NLGN1: variants seen among roughly 807,000 people sequenced by gnomAD.
The protein encoded by NLGN1 is neuroligin 1.
Under a neutral mutation model 65.5 loss-of-function variants are expected in NLGN1, and 12 were observed. The ratio of observed to expected loss-of-function variants is 0.18; its 90% CI spans 0.12 to 0.30. The LOEUF (loss-of-function observed/expected upper bound fraction) is 0.30. NLGN1 is among the 10% of genes least tolerant of loss of function. The pLI, the probability that NLGN1 is intolerant of heterozygous loss-of-function variation, is 1.00. For missense variants in NLGN1, 750 were observed against 1,007.1 expected (o/e 0.74, Z 3.46); for synonymous variants, 350 against 359.5 (o/e 0.97, Z 0.30).
Position 174,286,292 on chromosome 3 carries a change from A to G in NLGN1, c.*4989A>G, listed in dbSNP as rs893259151. 4 of 151,490 alleles carry G rather than the reference A, an allele frequency of 2.6e-5. No homozygotes were observed. The East Asian group carries it at 7.8e-4, about 29-fold the overall frequency. The allele number at this position is 151,490 out of a possible 1,614,324, so 9.4% of individuals were successfully genotyped here. On this transcript the variant is annotated 3_prime_UTR_variant, in exon 7 of 7. Transcript: ENST00000457714. ...GAATTTAGTCCTTTATGGAAAGTCA[A>G]ACCAAATTGCTAGCAGTTTTGAGTT... is the stretch of plus-strand genomic sequence containing the variant.
intron 4 of NLGN1, among the ~76,000 whole-genome samples, chr3:173,875,935 A>C (rs189120481): frequency 6.6e-6 from 1 of 152,306 alleles, no homozygotes; most frequent in East Asian, 1.9e-4. Context: ...CAAAGAGTTT[A>C]GTGCTGGTCA....
At chr3:173,917,215 G>C (rs1740915297) in intron 4 of NLGN1, among the ~76,000 whole-genome samples, 1 of 152,112 alleles carries the variant, frequency 6.6e-6, no homozygotes, top group Non-Finnish European at 1.5e-5. Flanking sequence ...GGATTTCATG[G>C]ATTTTATAAT....
At chr3:174,075,662 A>G (rs1461274466) in intron 4 of NLGN1, among the ~76,000 whole-genome samples, 3 of 152,146 alleles carry the variant, frequency 2.0e-5, no homozygotes, top group Non-Finnish European at 4.4e-5. Flanking sequence ...GCATTTCTAT[A>G]TTAAAAAATG....
intron 4 of NLGN1, among the ~76,000 whole-genome samples, chr3:174,038,663 G>A (rs1034182523): frequency 6.6e-6 from 1 of 152,104 alleles, no homozygotes; most frequent in East Asian, 1.9e-4. Flanking sequence ...TCCATACCTG[G>A]TTAACTTAAG....
chr3:173,667,964 A>G (rs1761946895), intron 3 of NLGN1, among the ~76,000 whole-genome samples: 1 of 152,170 alleles, frequency 6.6e-6, no homozygotes, highest in East Asian at 1.9e-4. Context: ...CTGGAAACAT[A>G]TATAACTTCT....
rs34436890 is a variant in NLGN1, at chr3:173,578,235, C to CAAAAAA, written c.-320-26035_-320-26030dup. Reference sequence around the variant, plus strand: ...TGGGCGACAGGGCCAGACTCCGTCTCAAAAAAAAAAAAAAGAAGAAGAAGA... The same window carrying CAAAAAA: ...TGGGCGACAGGGCCAGACTCCGTCTCAAAAAAAAAAAAAAAAAAAAGAAGAAGAAGA... On this transcript the variant is annotated intron_variant, in intron 2 of 6. Coordinates refer to ENST00000457714, the Ensembl canonical transcript of NLGN1. Among the ~76,000 whole-genome samples the CAAAAAA allele has an allele frequency of 7.0e-3, 904 of 128,478 alleles. 7 individuals are homozygous for CAAAAAA. Among genetic ancestry groups the CAAAAAA allele is most frequent in the South Asian group, 0.035 (142 of 4,072 alleles). 84.3% of individuals were successfully genotyped at this position (128,478 alleles called of 152,430 possible).
chr3:173,474,042 G>A (rs17319560), intron 2 of NLGN1, among the ~76,000 whole-genome samples: 24,063 of 152,162 alleles, frequency 0.16, 1,988 homozygotes, highest in Middle Eastern at 0.26. Flanking sequence ...TGTTAGCCTA[G>A]GCCAGGTCTC....
chr3:173,934,441 A>G (rs1324145531), intron 4 of NLGN1, among the ~76,000 whole-genome samples: 3 of 151,856 alleles, frequency 2.0e-5, no homozygotes, highest in African/African-American at 7.2e-5. Context: ...CATTTGAATT[A>G]TCAGCAAATA....
At chr3:173,573,293 C>T (rs1393132700) in intron 2 of NLGN1, among the ~76,000 whole-genome samples, 3 of 152,004 alleles carry the variant, frequency 2.0e-5, no homozygotes, top group Non-Finnish European at 4.4e-5. Flanking sequence ...GGAAAAAAAC[C>T]TGTAAGCTTA....
chr3:174,130,390 A>C (rs1034232057), intron 4 of NLGN1, among the ~76,000 whole-genome samples: 1 of 152,088 alleles, frequency 6.6e-6, no homozygotes, highest in Non-Finnish European at 1.5e-5. Context: ...ATAAAAAATA[A>C]ACATCACTGT....
intron 2 of NLGN1, among the ~76,000 whole-genome samples, chr3:173,485,601 A>G (rs939922097): frequency 6.6e-6 from 1 of 152,236 alleles, no homozygotes; most frequent in East Asian, 1.9e-4. Flanking sequence ...TTTTCAGTTC[A>G]TCTTTCATGT....
intron 2 of NLGN1, among the ~76,000 whole-genome samples, chr3:173,494,238 T>C (rs1729661259): frequency 6.6e-6 from 1 of 151,612 alleles, no homozygotes; most frequent in South Asian, 2.1e-4. Flanking sequence ...GGTCAGTGTA[T>C]AATGGTATCT....
At chr3:173,862,169 T>C (rs1379820069) in intron 4 of NLGN1, among the ~76,000 whole-genome samples, 1 of 152,116 alleles carries the variant, frequency 6.6e-6, no homozygotes, top group Admixed American at 6.6e-5. Context: ...AGAGGATTAC[T>C]GTTCAAATCA....
chr3:174,130,984 A>G (rs1246281620), intron 4 of NLGN1, among the ~76,000 whole-genome samples: 5 of 152,196 alleles, frequency 3.3e-5, no homozygotes, highest in African/African-American at 1.2e-4. Context: ...TCTGTGAAAG[A>G]TCCTCATGTG....
chr3:173,779,198 C>G (rs1016906181), intron 3 of NLGN1, among the ~76,000 whole-genome samples: 3 of 151,684 alleles, frequency 2.0e-5, no homozygotes, highest in Non-Finnish European at 3.0e-5. Context: ...GATATTAGCT[C>G]AAAATTTTAT....
chr3:173,898,909 A>G (rs1320863561), intron 4 of NLGN1, among the ~76,000 whole-genome samples: 11 of 152,156 alleles, frequency 7.2e-5, no homozygotes, highest in African/African-American at 1.9e-4. Context: ...CGGACCATTC[A>G]GATACAGCTT....
At chr3:173,484,523 G>A (rs1006310969) in intron 2 of NLGN1, among the ~76,000 whole-genome samples, 3 of 152,054 alleles carry the variant, frequency 2.0e-5, no homozygotes, top group African/African-American at 7.2e-5. Context: ...CAGACTGAGT[G>A]TAGATGCAAT....
chr3:173,533,578 G>A (rs1736953551), intron 2 of NLGN1, among the ~76,000 whole-genome samples: 1 of 152,124 alleles, frequency 6.6e-6, no homozygotes, highest in Non-Finnish European at 1.5e-5. Context: ...GTGAAATCCT[G>A]TATGACAGAC....
chr3:174,118,743 G>T (rs1019223692), intron 4 of NLGN1, among the ~76,000 whole-genome samples: 2 of 152,066 alleles, frequency 1.3e-5, no homozygotes, highest in African/African-American at 4.8e-5. Flanking sequence ...TAAGAAAATC[G>T]AAGCATTTGG....
Sources: allele counts gnomAD v4.1 joint callset (sites outside exome capture counted in the v4.1 genomes callset), GRCh38; gene constraint gnomAD v4.1.1; transcripts MANE v1.5; gene names NCBI Gene and HGNC (gene_info 2026-07-23, HGNC 2026-07-21).